PCDH17: variants seen among roughly 807,000 people sequenced by gnomAD.
PCDH17 encodes protocadherin-17.
In PCDH17, 21 loss-of-function variants were observed where a neutral mutation model predicts 67.7. The observed-to-expected ratio is 0.31, with a 90% CI of 0.22 to 0.45. The LOEUF (loss-of-function observed/expected upper bound fraction) is 0.45, where lower values mean the gene tolerates loss of function less well. Among genes scored for constraint, PCDH17 ranks in the 20% least tolerant of loss-of-function variants. PCDH17 has a pLI of 1.00. For missense variants in PCDH17, 1,471 were observed against 1,564.8 expected (o/e 0.94, Z 1.01); for synonymous variants, 701 against 656.7 (o/e 1.07, Z -1.03).
intron 3 of PCDH17, among the ~76,000 whole-genome samples, chr13:57,680,710 C>T (rs910990270): frequency 6.6e-6 from 1 of 151,626 alleles, no homozygotes; most frequent in South Asian, 2.1e-4. Context: ...TTAAAACTCT[C>T]TGAACTTTGT....
chr13:57,632,069 C>A lies in PCDH17; in HGVS notation c.-478C>A, dbSNP rs1334046348. Reference sequence around the variant, plus strand: ...AGACACACCTCCCTGCTCCCTCCCCCACTCGATGTGAAGAGTATTCCGGAG... The same window carrying A: ...AGACACACCTCCCTGCTCCCTCCCCAACTCGATGTGAAGAGTATTCCGGAG... On this transcript the variant is annotated 5_prime_UTR_variant, in exon 1 of 4. Coordinates refer to ENST00000377918, the MANE Select transcript of PCDH17 (RefSeq NM_001040429.3). The A allele has an allele frequency of 1.0e-5, 2 of 197,174 alleles. No homozygotes were observed. Among genetic ancestry groups the A allele is most frequent in the Non-Finnish European group, 2.1e-5 (2 of 97,284 alleles). 12.2% of individuals were successfully genotyped at this position (197,174 alleles called of 1,614,324 possible).
At chr13:57,639,143 T>C (rs958861239) in intron 1 of PCDH17, among the ~76,000 whole-genome samples, 2 of 151,992 alleles carry the variant, frequency 1.3e-5, no homozygotes, top group African/African-American at 4.8e-5. Context: ...TTTCTTACTC[T>C]GTGCCTTCTG....
chr13:57,695,705 A>G (rs1411092799), intron 3 of PCDH17, among the ~76,000 whole-genome samples: 2 of 151,386 alleles, frequency 1.3e-5, no homozygotes, highest in Non-Finnish European at 3.0e-5. Flanking sequence ...TTATGGACCA[A>G]TGTGGTAGAT....
At position 57,632,589 on chromosome 13, in the gene PCDH17, G is replaced by A. The variant is rs1264648591; in HGVS notation, c.43G>A (p.Ala15Thr). 1.2e-6 allele frequency: 2 copies of A among 1,613,774 alleles called. No individual in the cohort carries two copies. The highest frequency in any genetic ancestry group is 8.5e-7 in the Non-Finnish European group (1 of 1,179,944). ...TTGCTGCTTTCTTCTATGGGCCCCT[G>A]CCCTCACTCTCAAGAACCTCAACTA... ...ICCCFLLWAP[A>T]LTLKNLNYSV... The change falls in exon 1 of 4, where the codon GCC becomes ACC. Residue 15 changes from alanine (A) to threonine (T), a missense_variant. Ala to Thr is a moderately conservative substitution (Grantham distance 58). This residue lies in a region of PCDH17 where 1,163 missense variants were observed against 1,230.0 expected (regional missense o/e 0.95). Coordinates refer to ENST00000377918, the MANE Select transcript of PCDH17 (RefSeq NM_001040429.3).
intron 3 of PCDH17, among the ~76,000 whole-genome samples, chr13:57,671,544 A>G (rs12184615): frequency 0.25 from 37,247 of 151,912 alleles, 6,302 homozygotes; most frequent in African/African-American, 0.49. Flanking sequence ...TCTATCCATT[A>G]GAAGCCCTGT....
chr13:57,677,908 C>G (rs373565969), intron 3 of PCDH17, among the ~76,000 whole-genome samples: 1 of 151,600 alleles, frequency 6.6e-6, no homozygotes, highest in Non-Finnish European at 1.5e-5. Flanking sequence ...GGTTGAGAGG[C>G]CGGCCTAGAG....
At position 57,633,413 on chromosome 13, in the gene PCDH17, C is replaced by T. The variant is rs374662445; in HGVS notation, c.867C>T (p.Arg289=). The part of the protein sequence containing the change: ...LYSFSSYVPD[R]VRELFSIDPK... ...CTTTCAGCAGCTACGTGCCTGACCG[C>T]GTGCGGGAGCTCTTCTCCATCGACC... is the stretch of plus-strand genomic sequence containing the variant. The change falls in exon 1 of 4, where the codon CGC becomes CGT. Residue 289 remains arginine, a synonymous_variant. Coordinates refer to ENST00000377918, the MANE Select transcript of PCDH17 (RefSeq NM_001040429.3). The surrounding 1 kb of genome is among the most constrained non-coding windows in gnomAD (Gnocchi z 6.2). 4.3e-6 allele frequency: 7 copies of T among 1,613,432 alleles called. No homozygotes were observed. The highest frequency in any genetic ancestry group is 5.9e-6 in the Non-Finnish European group (7 of 1,180,036).
At chr13:57,662,087 G>T (rs931584587) in intron 1 of PCDH17, among the ~76,000 whole-genome samples, 1 of 151,992 alleles carries the variant, frequency 6.6e-6, no homozygotes, top group South Asian at 2.1e-4. Flanking sequence ...GGCTGGTCTC[G>T]AACTCCTGGC....
At chr13:57,719,136 A>C (rs1344332059) in intron 3 of PCDH17, among the ~76,000 whole-genome samples, 1 of 152,160 alleles carries the variant, frequency 6.6e-6, no homozygotes, top group East Asian at 1.9e-4. Flanking sequence ...GGTAAATTAG[A>C]AACAAAAAAA....
Position 57,726,265 on chromosome 13 carries a change from A to C in PCDH17, c.*971A>C, listed in dbSNP as rs1051848001. 3 of 152,656 alleles carry C rather than the reference A, an allele frequency of 2.0e-5. No homozygotes were observed. The highest frequency in any genetic ancestry group is 4.4e-5 in the Non-Finnish European group (3 of 68,044). 9.5% of individuals were successfully genotyped at this position (152,656 alleles called of 1,614,324 possible). A position where few individuals can be genotyped will look rare whatever the true frequency, so the allele number is the denominator to read the frequency against. On this transcript the variant is annotated 3_prime_UTR_variant, in exon 4 of 4. Transcript: ENST00000377918. ...CATACGCAAGTCACATGACCATTTA[A>C]ATGTGCAAATGTAAGAAGATTCAAT...
At chr13:57,668,949 G>A (rs1174955089) in intron 3 of PCDH17, among the ~76,000 whole-genome samples, 5 of 151,860 alleles carry the variant, frequency 3.3e-5, no homozygotes, top group East Asian at 1.9e-4. Flanking sequence ...CCATTAACTC[G>A]TCATTTACAT....
chr13:57,706,759 C>G (rs2138083190), intron 3 of PCDH17, among the ~76,000 whole-genome samples: 1 of 152,252 alleles, frequency 6.6e-6, no homozygotes, highest in South Asian at 2.1e-4. Context: ...AACTCCATCT[C>G]TAATCCTAAC....
Position 57,632,467 on chromosome 13 carries a change from G to C in PCDH17, c.-80G>C. ...GGCTCGCGTCGCGCGCGCACGCTGCGCCAGGGCCCCAGGCTGGCGCGCACT... is the reference window on the plus strand; with the variant it reads ...GGCTCGCGTCGCGCGCGCACGCTGCCCCAGGGCCCCAGGCTGGCGCGCACT... On this transcript the variant is annotated 5_prime_UTR_variant, in exon 1 of 4. Coordinates refer to ENST00000377918, the MANE Select transcript of PCDH17 (RefSeq NM_001040429.3). 3 of 1,443,984 alleles carry C rather than the reference G, an allele frequency of 2.1e-6. No homozygotes were observed. The highest frequency in any genetic ancestry group is 1.9e-6 in the Non-Finnish European group (2 of 1,075,028). The allele number at this position is 1,443,984 out of a possible 1,614,324, so 89.4% of individuals were successfully genotyped here. A position where few individuals can be genotyped will look rare whatever the true frequency, so the allele number is the denominator to read the frequency against.
chr13:57,711,519 C>T (rs1159811760), intron 3 of PCDH17, among the ~76,000 whole-genome samples: 1 of 151,654 alleles, frequency 6.6e-6, no homozygotes, highest in Non-Finnish European at 1.5e-5. Context: ...TGTACATTTG[C>T]TTTTTAGCTG....
At position 57,718,385 on chromosome 13, in the gene PCDH17, A is replaced by G. The variant is rs192913668; in HGVS notation, c.2798-6227A>G. On this transcript the variant is annotated intron_variant, in intron 3 of 3. Coordinates refer to ENST00000377918, the MANE Select transcript of PCDH17 (RefSeq NM_001040429.3). ...TTATCCAGAACTGTCTCTAGAAATA[A>G]TATTGAAAGCAAAATTTTTACTCCT... 1.8e-4 allele frequency among the ~76,000 whole-genome samples: 28 copies of G among 152,182 alleles called. No individual in the cohort carries two copies. In the Middle Eastern group the frequency reaches 0.01, roughly 56 times the overall value.
upstream of PCDH17, among the ~76,000 whole-genome samples, chr13:57,630,299 G>C (rs1954701780): frequency 6.6e-6 from 1 of 151,456 alleles, no homozygotes; most frequent in Non-Finnish European, 1.5e-5. Flanking sequence ...ACTGTGGGGT[G>C]ATCCCGGCAG....
chr13:57,702,241 G>A (rs549389668), intron 3 of PCDH17, among the ~76,000 whole-genome samples: 1 of 152,038 alleles, frequency 6.6e-6, no homozygotes, highest in African/African-American at 2.4e-5. Flanking sequence ...GTACCAAAAC[G>A]TAGCTTCAAA....
chr13:57,675,718 T>A (rs1281506265), intron 3 of PCDH17, among the ~76,000 whole-genome samples: 1 of 151,948 alleles, frequency 6.6e-6, no homozygotes, highest in Non-Finnish European at 1.5e-5. Flanking sequence ...AGACTAGGAA[T>A]GGCAGATATG....
intron 3 of PCDH17, among the ~76,000 whole-genome samples, chr13:57,693,368 T>C (rs1293278634): frequency 2.3e-5 from 3 of 133,308 alleles, no homozygotes; most frequent in Non-Finnish European, 4.8e-5. Context: ...ATACAAAATA[T>C]CTTCTCTAAA....
Sources: gnomAD v4.1 joint callset for allele counts (sites outside exome capture counted in the v4.1 genomes callset) on GRCh38, gnomAD v4.1.1 for gene constraint, gnomAD v4.1.1 regional missense constraint, Gnocchi (gnomAD v3.1) non-coding constraint, MANE v1.5 for transcripts, NCBI Gene and HGNC (gene_info 2026-07-23, HGNC 2026-07-21) for gene names.